The following TMC6 variants were observed in gnomAD, a reference collection of about 807,000 sequenced individuals.
The protein encoded by TMC6 is transmembrane channel-like protein 6.
A neutral mutation model predicts 95.4 loss-of-function variants in TMC6; 71 were observed. The ratio of observed to expected loss-of-function variants is 0.74; its 90% CI spans 0.61 to 0.91. TMC6 has a LOEUF of 0.91. Ranked by LOEUF, TMC6 falls within the 40% of genes least tolerant of loss-of-function variation. The pLI is 0.00. For missense variants in TMC6, 1,074 were observed against 1,079.1 expected (o/e 1.00, Z 0.07); for synonymous variants, 514 against 483.1 (o/e 1.06, Z -0.84).
chr17:78,124,904 T>C lies in TMC6; in HGVS notation c.618A>G (p.Arg206=), dbSNP rs2074620830. 6.3e-7 allele frequency: 1 copy of C among 1,597,316 alleles called. No homozygotes were observed. The highest frequency in any genetic ancestry group is 1.7e-5 in the Admixed American group (1 of 58,162). ...GGGCCCATACCAGCACGCAGGCATA[T>C]CTGAGCCGGCCACAGCAGGAGCAGA... is the stretch of plus-strand genomic sequence containing the variant. ...GGVCSCCGRL[R]YACVLALHSL... Residue 206 remains arginine, a synonymous_variant, in exon 7 of 20, where the codon AGA becomes AGG. Transcript: ENST00000590602.
chr17:78,124,909 GCCGGCCACAGCAGGAGCAGACCCCGC>G lies in TMC6; in HGVS notation c.587_612del (p.Gly196AlafsTer108), dbSNP rs1568000011. The stretch of plus-strand genomic sequence containing the variant: ...CATACCAGCACGCAGGCATATCTGA[GCCGGCCACAGCAGGAGCAGACCCCGC>G]CGCTGCCCGGCTGGCCCCTCCACTT... On this transcript the variant is annotated frameshift_variant, in exon 7 of 20. Transcript: ENST00000590602. LOFTEE classifies it high-confidence loss of function. 1 of 1,596,878 alleles carries G rather than the reference GCCGGCCACAGCAGGAGCAGACCCCGC, an allele frequency of 6.3e-7. No homozygotes were observed. The highest frequency in any genetic ancestry group is 8.5e-7 in the Non-Finnish European group (1 of 1,173,786).
rs536179551 is a variant in TMC6 at position 78,121,699 on chromosome 17, C to T, written c.1240G>A (p.Glu414Lys). The T allele has an allele frequency of 7.8e-5, 123 of 1,586,838 alleles. No individual in the cohort carries two copies. Among genetic ancestry groups the T allele is most frequent in the Non-Finnish European group, 9.2e-5 (108 of 1,168,992 alleles). Reference protein sequence around the residue: ...IRTRLKELLAEWQLRHSPRSV... With the variant: ...IRTRLKELLAKWQLRHSPRSV... ...CTGGGGCTGTGCCGCAGCTGCCACTCGGCCAGCAGCTCCTGCAGGCGGCAC... is the reference window on the plus strand; with the variant it reads ...CTGGGGCTGTGCCGCAGCTGCCACTTGGCCAGCAGCTCCTGCAGGCGGCAC... The change falls in exon 11 of 20, where the codon GAG becomes AAG. Residue 414 changes from glutamate (E) to lysine (K), a missense_variant. Coordinates refer to ENST00000590602, the MANE Select transcript of TMC6 (RefSeq NM_001127198.5). This position sits in a 1 kb window ranked among gnomAD's most constrained non-coding sequence, Gnocchi z 5.6.
chr17:78,129,122 C>A (rs867642615), upstream of TMC6, among the ~76,000 whole-genome samples: 6 of 145,010 alleles, frequency 4.1e-5, no homozygotes, highest in South Asian at 2.2e-4. This position sits in a 1 kb window ranked among gnomAD's most constrained non-coding sequence, Gnocchi z 4.3. Flanking sequence ...CAGCGCCCCC[C>A]CCCCCGCCGC....
Position 78,112,855 on chromosome 17 carries a change from G to T in TMC6, c.*293C>A, listed in dbSNP as rs1457114390. The T allele has an allele frequency of 2.1e-6, 1 of 477,868 alleles. No individual in the cohort carries two copies. Among genetic ancestry groups the T allele is most frequent in the African/African-American group, 2.0e-5 (1 of 49,608 alleles). 29.6% of individuals were successfully genotyped at this position (477,868 alleles called of 1,614,324 possible). The stretch of plus-strand genomic sequence containing the variant: ...GGACCCAGACCTGCGCCTGGAGGTG[G>T]CCCCAGGGCAGCGGGAAGCAGGCCC... On this transcript the variant is annotated 3_prime_UTR_variant, in exon 20 of 20. Transcript: ENST00000590602.
chr17:78,132,037 C>A (rs2075002072), upstream of TMC6: 5 of 1,534,574 alleles, frequency 3.3e-6, no homozygotes, highest in Non-Finnish European at 4.4e-6. Context: ...GGGGGTAGGA[C>A]CCGCGCGACC....
upstream of TMC6, chr17:78,132,408 G>A: frequency 6.2e-7 from 1 of 1,612,972 alleles, no homozygotes; most frequent in Non-Finnish European, 8.5e-7. Flanking sequence ...TCCGCTTCCT[G>A]CTGCTACTCA....
At chr17:78,120,573 G>A in intron 13 of TMC6, 80 bp downstream of exon 13, 1 of 1,604,542 alleles carries the variant, frequency 6.2e-7, no homozygotes, top group Non-Finnish European at 8.5e-7. Flanking sequence ...GAAAGGTCCA[G>A]GCCTGAGAAC....
intron 9 of TMC6, chr17:78,123,083 T>C (rs1312652636): frequency 4.6e-6 from 2 of 436,806 alleles, no homozygotes; most frequent in African/African-American, 2.0e-5. Context: ...GACCAAAACA[T>C]CTTCCCTGCT....
In TMC6 at chr17:78,109,622, C is replaced by G. The variant is rs1424335188; in HGVS notation, c.*3526G>C. 1 of 448,988 alleles carries G rather than the reference C, an allele frequency of 2.2e-6. No homozygotes were observed. Among genetic ancestry groups the G allele is most frequent in the South Asian group, 1.6e-5 (1 of 63,690 alleles). 27.8% of individuals were successfully genotyped at this position (448,988 alleles called of 1,614,324 possible). A position where few individuals can be genotyped will look rare whatever the true frequency, so the allele number is the denominator to read the frequency against. ...CTCCGGGATGGGCAACAGAAAGACC[C>G]CATCTCAAAAAAGCAGAAGCACATT... On this transcript the variant is annotated 3_prime_UTR_variant, in exon 20 of 20. Transcript: ENST00000590602.
At position 78,111,849 on chromosome 17, in the gene TMC6, G is replaced by T; in HGVS notation, c.*1299C>A. On this transcript the variant is annotated 3_prime_UTR_variant, in exon 20 of 20. Transcript: ENST00000590602. ...GCAGCTCCTGCAGGCCTGGAGCCCTGGGCTGTGACAGGCTGGTCCCCACAA... is the reference window on the plus strand; with the variant it reads ...GCAGCTCCTGCAGGCCTGGAGCCCTTGGCTGTGACAGGCTGGTCCCCACAA... 1 of 211,922 alleles carries T rather than the reference G, an allele frequency of 4.7e-6. No homozygotes were observed. The highest frequency in any genetic ancestry group is 9.8e-6 in the Non-Finnish European group (1 of 102,134). The allele number at this position is 211,922 out of a possible 1,614,324, so 13.1% of individuals were successfully genotyped here. A position where few individuals can be genotyped will look rare whatever the true frequency, so the allele number is the denominator to read the frequency against.
chr17:78,121,820 AAC>A lies in TMC6; in HGVS notation c.1228-111_1228-110del, dbSNP rs142893879. The A allele has an allele frequency of 5.2e-3, 7,248 of 1,406,222 alleles. 310 individuals are homozygous for A. In the African/African-American group the frequency reaches 0.092, roughly 18 times the overall value. The allele number at this position is 1,406,222 out of a possible 1,614,324, so 87.1% of individuals were successfully genotyped here. On this transcript the variant is annotated intron_variant, in intron 10 of 19. Coordinates refer to ENST00000590602, the MANE Select transcript of TMC6 (RefSeq NM_001127198.5). The surrounding 1 kb of genome is among the most constrained non-coding windows in gnomAD (Gnocchi z 5.6). ...CACATGAGACACACCAGGAGGCTTG[AAC>A]CAGGACAGAGGGCCAGTTCCCCATG...
chr17:78,112,365 T>C lies in TMC6; in HGVS notation c.*783A>G. ...CATGACGGGCTGGTCCCCGAATCCC[T>C]GTGCCCACCCCCCACAGCCTACGGT... On this transcript the variant is annotated 3_prime_UTR_variant, in exon 20 of 20. Transcript: ENST00000590602. The C allele has an allele frequency of 5.1e-6, 1 of 194,918 alleles. No individual in the cohort carries two copies. The highest frequency in any genetic ancestry group is 2.4e-5 in the African/African-American group (1 of 41,948). The allele number at this position is 194,918 out of a possible 1,614,324, so 12.1% of individuals were successfully genotyped here. A position where few individuals can be genotyped will look rare whatever the true frequency, so the allele number is the denominator to read the frequency against.
upstream of TMC6, chr17:78,131,981 G>T: frequency 6.6e-7 from 1 of 1,522,488 alleles, no homozygotes; most frequent in East Asian, 2.5e-5. Context: ...CAGCGCAGCG[G>T]CTGGCCCGGG....
chr17:78,130,108 G>C (rs192353896), upstream of TMC6, among the ~76,000 whole-genome samples: 1 of 152,226 alleles, frequency 6.6e-6, no homozygotes, highest in Non-Finnish European at 1.5e-5. Context: ...CAAGGACAGA[G>C]AATTGGCAAA....
rs1598844646 is a variant in TMC6 at position 78,119,471 on chromosome 17, A to T, written c.1716-79T>A. The T allele has an allele frequency of 2.8e-6, 4 of 1,427,474 alleles. No individual in the cohort carries two copies. The South Asian group carries it at 3.5e-5, about 12-fold the overall frequency. The allele number at this position is 1,427,474 out of a possible 1,614,324, so 88.4% of individuals were successfully genotyped here. ...AGCCTGAGTCCCCACACCCAGAGGC[A>T]CCCCGCCCCCAGCCAGGGGACATCC... is the stretch of plus-strand genomic sequence containing the variant. On this transcript the variant is annotated intron_variant, in intron 13 of 19. Transcript: ENST00000590602.
Position 78,109,682 on chromosome 17 carries a change from T to C in TMC6, c.*3466A>G, listed in dbSNP as rs1193580668. The C allele has an allele frequency of 1.3e-5, 5 of 395,436 alleles. No individual in the cohort carries two copies. The highest frequency in any genetic ancestry group is 8.3e-5 in the Admixed American group (3 of 36,360). The allele number at this position is 395,436 out of a possible 1,614,324, so 24.5% of individuals were successfully genotyped here. On this transcript the variant is annotated 3_prime_UTR_variant, in exon 20 of 20. Coordinates refer to ENST00000590602, the MANE Select transcript of TMC6 (RefSeq NM_001127198.5). Reference sequence around the variant, plus strand: ...CCCCAAGCCCACGGGCGTGAGTGCATGCATGCGTTTGTGACAGCCTGGTGC... The same window carrying C: ...CCCCAAGCCCACGGGCGTGAGTGCACGCATGCGTTTGTGACAGCCTGGTGC...
At chr17:78,119,490 G>A in intron 13 of TMC6, 98 bp from the exon 14 acceptor site, 2 of 1,241,094 alleles carry the variant, frequency 1.6e-6, no homozygotes, top group Non-Finnish European at 2.3e-6. Context: ...CCAGCCAGGG[G>A]ACATCCTGGC....
intron 1 of TMC6, chr17:78,127,133 G>A (rs2074759504): frequency 3.6e-6 from 2 of 557,178 alleles, no homozygotes; most frequent in Admixed American, 3.1e-5. Flanking sequence ...GGAAGGAAGG[G>A]TGTGGGGTCT....
chr17:78,122,448 C>A lies in TMC6; in HGVS notation c.1227+157G>T. 2 of 1,116,388 alleles carry A rather than the reference C, an allele frequency of 1.8e-6. No homozygotes were observed. The highest frequency in any genetic ancestry group is 2.5e-6 in the Non-Finnish European group (2 of 796,824). 69.2% of individuals were successfully genotyped at this position (1,116,388 alleles called of 1,614,324 possible). On this transcript the variant is annotated intron_variant, in intron 10 of 19. Transcript: ENST00000590602. The surrounding 1 kb of genome is among the most constrained non-coding windows in gnomAD (Gnocchi z 4.9). Reference sequence around the variant, plus strand: ...AAAACTCAGGGCCTGCCCGTCACTGCAAGCAGAAGACCACGCCTGCCCAGC... The same window carrying A: ...AAAACTCAGGGCCTGCCCGTCACTGAAAGCAGAAGACCACGCCTGCCCAGC...
Sources: allele counts gnomAD v4.1 joint callset (sites outside exome capture counted in the v4.1 genomes callset), GRCh38; gene constraint gnomAD v4.1.1; non-coding constraint Gnocchi (gnomAD v3.1); transcripts MANE v1.5; gene names NCBI Gene and HGNC (gene_info 2026-07-23, HGNC 2026-07-21).